PLEKHB1: variants seen among roughly 807,000 people sequenced by gnomAD.
PLEKHB1 encodes the protein pleckstrin homology domain containing B1.
In PLEKHB1, 29 loss-of-function variants were observed where a neutral mutation model predicts 36.2. The observed-to-expected ratio is 0.80, with a 90% CI of 0.60 to 1.09. The LOEUF is 1.09. PLEKHB1 is among the 50% of genes least tolerant of loss of function. PLEKHB1 has a pLI of 0.00. For synonymous variants in PLEKHB1, 138 were observed against 140.0 expected, an observed-to-expected ratio of 0.99 and a Z score of 0.10; for missense variants, 330 against 348.2, an observed-to-expected ratio of 0.95 and a Z score of 0.42.
intron 5 of PLEKHB1, chr11:73,653,473 A>G (rs551344029): frequency 4.1e-5 from 19 of 462,076 alleles, no homozygotes; most frequent in Admixed American, 3.5e-4. Context: ...TGAACCAAGG[A>G]GATATGGGCT....
intron 2 of PLEKHB1, 141 bp downstream of exon 2, chr11:73,649,228 GT>G: frequency 1.8e-6 from 2 of 1,095,204 alleles, no homozygotes; most frequent in Non-Finnish European, 2.6e-6. Flanking sequence ...CTGCCTGAAG[GT>G]CCTTCCCATT....
At chr11:73,649,707 CATGACCTGAGCAAGAGCT>C (rs1318620864) in intron 2 of PLEKHB1, among the ~76,000 whole-genome samples, 1 of 152,208 alleles carries the variant, frequency 6.6e-6, no homozygotes, top group African/African-American at 2.4e-5. Context: ...TGACCAGAGT[CATGACCTGAGCAAGAGCT>C]ATCCTGGGGA....
chr11:73,656,036 AGCT>A, intron 6 of PLEKHB1, 129 bp downstream of exon 6: 2 of 767,544 alleles, frequency 2.6e-6, no homozygotes, highest in East Asian at 5.3e-5. Flanking sequence ...GACACAAACC[AGCT>A]GCTCTGCTGT....
intron 3 of PLEKHB1, 56 bp from the exon 4 acceptor site, chr11:73,651,732 T>TG (rs1360808533): frequency 1.1e-5 from 15 of 1,415,746 alleles, no homozygotes; most frequent in Non-Finnish European, 1.5e-5. Context: ...CCTGCTTTAC[T>TG]GGGGGGACCT....
At chr11:73,656,120 C>T (rs1018366208) in intron 6 of PLEKHB1, among the ~76,000 whole-genome samples, 1 of 152,212 alleles carries the variant, frequency 6.6e-6, no homozygotes, top group Admixed American at 6.5e-5. Flanking sequence ...CCTCTGCTGA[C>T]AAGACCTCAG....
chr11:73,660,738 G>A lies in PLEKHB1; in HGVS notation c.496-15G>A, dbSNP rs1180758902. ...CAGGGAGTTCCTGGGCACCTGACAT[G>A]GTTGGATTCCCCAGGTGCGCGTCTA... On this transcript the variant is annotated splice_polypyrimidine_tract_variant and intron_variant, in intron 6 of 7. Coordinates refer to ENST00000354190, the MANE Select transcript of PLEKHB1 (RefSeq NM_021200.3). 6.4e-7 allele frequency: 1 copy of A among 1,574,446 alleles called. No homozygotes were observed. Among genetic ancestry groups the A allele is most frequent in the South Asian group, 1.2e-5 (1 of 85,298 alleles).
chr11:73,651,558 A>G, intron 3 of PLEKHB1: 1 of 648,370 alleles, frequency 1.5e-6, no homozygotes, highest in Non-Finnish European at 2.9e-6. Context: ...CCCAGGCCAC[A>G]GTTCTAACAG....
In PLEKHB1 at chr11:73,650,719, C is replaced by T. The variant is rs749674963; in HGVS notation, c.247+14C>T. ...CAGAGTGCCATGGTGAGCAGAAGCC[C>T]CTTCCTCTGTGGCACCGTGACTGTG... On this transcript the variant is annotated intron_variant, in intron 3 of 7. Transcript: ENST00000354190. The T allele has an allele frequency of 8.1e-5, 128 of 1,588,940 alleles. No individual in the cohort carries two copies. Among genetic ancestry groups the T allele is most frequent in the Non-Finnish European group, 1.1e-4 (125 of 1,167,258 alleles).
intron 2 of PLEKHB1, 103 bp from the exon 3 acceptor site, chr11:73,650,450 A>T: frequency 7.7e-7 from 1 of 1,305,050 alleles, no homozygotes; most frequent in South Asian, 1.6e-5. Flanking sequence ...GGTGGTTGTA[A>T]CACTAGGGAC....
chr11:73,654,803 G>C (rs1042762406), intron 5 of PLEKHB1, among the ~76,000 whole-genome samples: 2 of 152,228 alleles, frequency 1.3e-5, no homozygotes, highest in Admixed American at 6.5e-5. Flanking sequence ...GATGACCTCT[G>C]AGGTCATCGG....
chr11:73,647,803 T>G, intron 1 of PLEKHB1: 1 of 980,954 alleles, frequency 1.0e-6, no homozygotes, highest in Non-Finnish European at 1.2e-6. Context: ...CTGATCTGTG[T>G]CAAGACCGTG....
chr11:73,647,262 T>C (rs550984281), intron 1 of PLEKHB1: 1 of 152,320 alleles, frequency 6.6e-6, no homozygotes, highest in South Asian at 2.1e-4. Flanking sequence ...TGTGCTCCAA[T>C]TGTGTGTTTC....
At chr11:73,660,931 C>G (rs1945099696) in intron 7 of PLEKHB1, 79 bp downstream of exon 7, 2 of 1,280,548 alleles carry the variant, frequency 1.6e-6, no homozygotes, top group Non-Finnish European at 2.2e-6. Context: ...GTCCGTAAGT[C>G]CGGACCAGGC....
chr11:73,648,501 G>A (rs1944815011), intron 1 of PLEKHB1, among the ~76,000 whole-genome samples: 1 of 152,210 alleles, frequency 6.6e-6, no homozygotes, highest in South Asian at 2.1e-4. Flanking sequence ...AACAGCTCTA[G>A]TGGGGTCCAA....
chr11:73,652,010 G>A (rs1418393526), intron 4 of PLEKHB1, 120 bp downstream of exon 4: 1 of 861,856 alleles, frequency 1.2e-6, no homozygotes, highest in East Asian at 2.7e-5. Flanking sequence ...CAGTCAGCAA[G>A]GGAGTCTTAT....
rs1226941471 is a variant in PLEKHB1, at chr11:73,661,515, C to T, written c.645C>T (p.Ala215=). The part of the protein sequence containing the change: ...VIVREDPCYS[A]GAPLAMGMLA... ...TGCGGGAGGATCCCTGCTACAGCGC[C>T]GGCGCCCCTCTGGCCATGGGCATGC... The change falls in exon 8 of 8, where the codon GCC becomes GCT. Residue 215 remains alanine, a synonymous_variant. Transcript: ENST00000354190. The surrounding 1 kb of genome is among the most constrained non-coding windows in gnomAD (Gnocchi z 4.6). The T allele has an allele frequency of 7.4e-6, 12 of 1,613,424 alleles. No individual in the cohort carries two copies. Among genetic ancestry groups the T allele is most frequent in the South Asian group, 1.1e-5 (1 of 91,082 alleles).
intron 5 of PLEKHB1, chr11:73,653,542 C>T (rs1944939319): frequency 4.5e-6 from 2 of 444,888 alleles, no homozygotes; most frequent in East Asian, 1.4e-4. Flanking sequence ...ATTAATTATT[C>T]CATTTCAATA....
At chr11:73,649,960 A>G (rs1409101162) in intron 2 of PLEKHB1, among the ~76,000 whole-genome samples, 2 of 152,202 alleles carry the variant, frequency 1.3e-5, no homozygotes, top group Admixed American at 6.5e-5. Context: ...CCAACACTTT[A>G]GGAGGCTGAG....
At chr11:73,659,550 C>T (rs1945062287) in intron 6 of PLEKHB1, among the ~76,000 whole-genome samples, 1 of 152,140 alleles carries the variant, frequency 6.6e-6, no homozygotes, top group Non-Finnish European at 1.5e-5. Context: ...AAATCAGAGT[C>T]CTTGTCTACA....
Sources: allele counts gnomAD v4.1 joint callset (sites outside exome capture counted in the v4.1 genomes callset), GRCh38; gene constraint gnomAD v4.1.1; non-coding constraint Gnocchi (gnomAD v3.1); transcripts MANE v1.5; gene names NCBI Gene and HGNC (gene_info 2026-07-23, HGNC 2026-07-21).